The following TMEM71 variants were observed in gnomAD, a reference collection of about 807,000 sequenced individuals.
TMEM71 encodes the protein transmembrane protein 71.
A neutral mutation model predicts 38.0 loss-of-function variants in TMEM71; 44 were observed. That is an observed-to-expected ratio of 1.16 (90% CI 0.91 to 1.49). The LOEUF is 1.49. Ranked by LOEUF, TMEM71 falls within the 40% of genes most tolerant of loss-of-function variation. The pLI, the probability that TMEM71 is intolerant of heterozygous loss-of-function variation, is 0.00. For synonymous variants in TMEM71, 133 were observed against 122.5 expected (o/e 1.09, Z -0.56); for missense variants, 367 against 348.6 (o/e 1.05, Z -0.42).
chr8:132,756,246 C>A (rs2472227), intron 3 of TMEM71, among the ~76,000 whole-genome samples: 45,386 of 150,982 alleles, frequency 0.3, 7,027 homozygotes, highest in Non-Finnish European at 0.33. Context: ...GCATAAAATT[C>A]GGCCATTGGT....
chr8:132,773,856 G>A, the TMEM71 span, among the ~76,000 whole-genome samples: 1 of 152,086 alleles, frequency 6.6e-6, no homozygotes, highest in African/African-American at 2.4e-5. Flanking sequence ...CATTTAGTTT[G>A]GGTAGGATTA....
In TMEM71 at chr8:132,754,694, G is replaced by C. The variant is rs78033603; in HGVS notation, c.101+2540C>G. On this transcript the variant is annotated intron_variant, in intron 3 of 9. Coordinates refer to ENST00000677595, the MANE Select transcript of TMEM71 (RefSeq NM_001382403.1). ...TACTATTTGAATGGCTATTCATTTT[G>C]TGCTGTTAGAATTTTGAGGGATTCT... Among the ~76,000 whole-genome samples, 93 of 152,244 alleles carry C rather than the reference G, an allele frequency of 6.1e-4. 1 individual carries two copies. In the East Asian group the frequency reaches 0.015, roughly 25 times the overall value.
At position 132,710,672 on chromosome 8, in the gene TMEM71, T is replaced by G. The variant is rs564985930; in HGVS notation, c.*295A>C. On this transcript the variant is annotated 3_prime_UTR_variant, in exon 10 of 10. Coordinates refer to ENST00000677595, the MANE Select transcript of TMEM71 (RefSeq NM_001382403.1). Reference sequence around the variant, plus strand: ...CGAGAACCACTGCCTTAAAGAATCATAGGGGGACATTTATTCCAGGCGGTC... The same window carrying G: ...CGAGAACCACTGCCTTAAAGAATCAGAGGGGGACATTTATTCCAGGCGGTC... The G allele has an allele frequency of 3.7e-6, 2 of 540,464 alleles. No homozygotes were observed. Among genetic ancestry groups the G allele is most frequent in the African/African-American group, 4.0e-5 (2 of 50,410 alleles). The allele number at this position is 540,464 out of a possible 1,614,324, so 33.5% of individuals were successfully genotyped here. A position where few individuals can be genotyped will look rare whatever the true frequency, so the allele number is the denominator to read the frequency against.
intron 7 of TMEM71, among the ~76,000 whole-genome samples, chr8:132,716,255 A>G (rs995956616): frequency 6.6e-6 from 1 of 152,206 alleles, no homozygotes; most frequent in Non-Finnish European, 1.5e-5. Flanking sequence ...AGTTGTGGCT[A>G]GGCCCGGGTG....
intron 3 of TMEM71, among the ~76,000 whole-genome samples, chr8:132,753,187 C>A (rs1828819215): frequency 6.6e-6 from 1 of 151,884 alleles, no homozygotes; most frequent in Admixed American, 6.6e-5. Context: ...TACTGTAAGC[C>A]TAAAAAATGT....
chr8:132,730,503 A>G (rs1295815225), intron 5 of TMEM71, among the ~76,000 whole-genome samples: 1 of 152,182 alleles, frequency 6.6e-6, no homozygotes, highest in Non-Finnish European at 1.5e-5. Context: ...TCAGAAAAAG[A>G]TAATCCTGCA....
chr8:132,738,074 C>G (rs1286625835), intron 5 of TMEM71, among the ~76,000 whole-genome samples: 1 of 152,038 alleles, frequency 6.6e-6, no homozygotes, highest in Non-Finnish European at 1.5e-5. Flanking sequence ...AATACCAGCC[C>G]CTGGTATTCA....
intron 6 of TMEM71, among the ~76,000 whole-genome samples, chr8:132,724,636 C>A (rs933402904): frequency 1.3e-5 from 2 of 152,100 alleles, no homozygotes; most frequent in Non-Finnish European, 2.9e-5. Flanking sequence ...GTACAGTTAA[C>A]GCAATCATCA....
chr8:132,737,375 A>G (rs1472964575), intron 5 of TMEM71, among the ~76,000 whole-genome samples: 2 of 152,228 alleles, frequency 1.3e-5, no homozygotes, highest in Admixed American at 1.3e-4. Flanking sequence ...TCCACACATA[A>G]CACATCTACC....
chr8:132,747,283 GA>G (rs1272928507), intron 4 of TMEM71, among the ~76,000 whole-genome samples, 169 bp from the exon 5 acceptor site: 1 of 152,168 alleles, frequency 6.6e-6, no homozygotes, highest in Non-Finnish European at 1.5e-5. Context: ...TCAATGTCAA[GA>G]GTACTGAGGT....
intron 7 of TMEM71, among the ~76,000 whole-genome samples, chr8:132,715,639 T>G (rs1384323345): frequency 1.3e-5 from 2 of 152,090 alleles, no homozygotes; most frequent in African/African-American, 4.8e-5. Context: ...TGATTCTTTG[T>G]AGAAGCTTTA....
the TMEM71 span, chr8:132,775,742 C>A: frequency 3.6e-6 from 1 of 280,778 alleles, no homozygotes; most frequent in Non-Finnish European, 6.6e-6. Context: ...GGCCCGCTCC[C>A]CTCCCGCCTC....
At chr8:132,763,198 C>T (rs1454268162), upstream of TMEM71, among the ~76,000 whole-genome samples, 1 of 152,140 alleles carries the variant, frequency 6.6e-6, no homozygotes, top group Non-Finnish European at 1.5e-5. Context: ...CTGCTTTATT[C>T]TTCTCCTTAG....
the TMEM71 span, among the ~76,000 whole-genome samples, chr8:132,773,974 G>A: frequency 6.6e-6 from 1 of 152,052 alleles, no homozygotes; most frequent in East Asian, 1.9e-4. Flanking sequence ...TGAGGCCTTG[G>A]TTCATCATAA....
chr8:132,722,761 T>G (rs529704847), intron 6 of TMEM71, among the ~76,000 whole-genome samples: 1 of 152,242 alleles, frequency 6.6e-6, no homozygotes, highest in African/African-American at 2.4e-5. Flanking sequence ...ACATATATTA[T>G]GAAATATTTG....
At chr8:132,706,281 T>A (rs1826093451), downstream of TMEM71, among the ~76,000 whole-genome samples, 1 of 152,136 alleles carries the variant, frequency 6.6e-6, no homozygotes, top group Admixed American at 6.5e-5. Context: ...TCCTTTAGCA[T>A]CTTCCATCAG....
Position 132,715,409 on chromosome 8 carries a change from C to CAAAAAAAAAAA in TMEM71, c.753-1205_753-1195dup, listed in dbSNP as rs975995287. Among the ~76,000 whole-genome samples, 25 of 21,570 alleles carry CAAAAAAAAAAA rather than the reference C, an allele frequency of 1.2e-3. 3 individuals carry two copies. The highest frequency in any genetic ancestry group is 1.8e-3 in the African/African-American group (15 of 8,166). 14.2% of individuals were successfully genotyped at this position (21,570 alleles called of 152,430 possible). A position where few individuals can be genotyped will look rare whatever the true frequency, so the allele number is the denominator to read the frequency against. On this transcript the variant is annotated intron_variant, in intron 7 of 9. Coordinates refer to ENST00000677595, the MANE Select transcript of TMEM71 (RefSeq NM_001382403.1). The stretch of plus-strand genomic sequence containing the variant: ...TGGGCGACAGAGCAAGACTCCGTCT[C>CAAAAAAAAAAA]AAAAAAAAAAAAAAAAAAAAAAAAA...
At position 132,722,108 on chromosome 8, in the gene TMEM71, C is replaced by G. The variant is rs373346144; in HGVS notation, c.684G>C (p.Arg228Ser). The G allele has an allele frequency of 3.7e-6, 6 of 1,612,784 alleles. No homozygotes were observed. The African/African-American group carries it at 8.0e-5, about 22-fold the overall frequency. ...CCTGAAAGAAGACCTCTTGCAACAACCTGGTTTCTAATAGGAAGAACAAAA... is the reference window on the plus strand; with the variant it reads ...CCTGAAAGAAGACCTCTTGCAACAAGCTGGTTTCTAATAGGAAGAACAAAA... The part of the protein sequence containing the change: ...QENSSDHSET[R>S]LLQEVFFQAI... The change falls in exon 7 of 10, where the codon AGG (arginine) becomes AGC (serine). Residue 228 changes from arginine (R) to serine (S), a missense_variant. Arg to Ser is a moderately radical substitution (Grantham distance 110). Coordinates refer to ENST00000677595, the MANE Select transcript of TMEM71 (RefSeq NM_001382403.1).
At chr8:132,716,790 C>T (rs565194651) in intron 7 of TMEM71, among the ~76,000 whole-genome samples, 2 of 152,290 alleles carry the variant, frequency 1.3e-5, no homozygotes, top group East Asian at 3.9e-4. Context: ...CTCTCTGTCT[C>T]TCTGTCTTTC....
Sources: allele counts gnomAD v4.1 joint callset (sites outside exome capture counted in the v4.1 genomes callset), GRCh38; gene constraint gnomAD v4.1.1; transcripts MANE v1.5; gene names NCBI Gene and HGNC (gene_info 2026-07-23, HGNC 2026-07-21).